Variants in CCND3 observed in about 807,000 individuals in gnomAD.
CCND3 encodes the protein cyclin D3.
CCND3 carries 9 observed loss-of-function variants against 28.7 expected under a neutral mutation model. The ratio of observed to expected loss-of-function variants is 0.31; its 90% confidence interval spans 0.19 to 0.55. The LOEUF (loss-of-function observed/expected upper bound fraction) is 0.55, where lower values mean the gene tolerates loss of function less well. CCND3 is among the 20% of genes least tolerant of loss of function. CCND3 has a pLI of 0.93. For synonymous variants in CCND3, 164 were observed against 163.9 expected, an observed-to-expected ratio of 1.00 and a Z score of 0.00; for missense variants, 315 against 385.8, an observed-to-expected ratio of 0.82 and a Z score of 1.54.
At chr6:42,038,236 G>T (rs1764283037) in intron 1 of CCND3, among the ~76,000 whole-genome samples, 1 of 151,758 alleles carries the variant, frequency 6.6e-6, no homozygotes, top group Admixed American at 6.6e-5. Context: ...TGTGCTGCTG[G>T]ATTTTTTTTA....
chr6:41,948,115 T>TA (rs1240852027), intron 1 of CCND3, among the ~76,000 whole-genome samples: 1 of 149,216 alleles, frequency 6.7e-6, no homozygotes, highest in Admixed American at 6.7e-5. Flanking sequence ...GCATTCCTCT[T>TA]ACAGCCTTTC....
chr6:41,947,971 C>G lies in CCND3; in HGVS notation c.-45-7386G>C, dbSNP rs141797580. Among the ~76,000 whole-genome samples the G allele has an allele frequency of 7.0e-3, 1,066 of 152,252 alleles. 8 individuals carry two copies. Among genetic ancestry groups the G allele is most frequent in the Non-Finnish European group, 0.011 (741 of 68,022 alleles). On this transcript the variant is annotated intron_variant, in intron 1 of 4. Transcript: ENST00000372988. ...TCCCACTACTCTCCCTCACTGTGCT[C>G]TGGCCACACGGTTCATGGAACACAC...
intron 1 of CCND3, among the ~76,000 whole-genome samples, chr6:41,961,128 G>A (rs1420731295): frequency 2.6e-5 from 4 of 152,194 alleles, no homozygotes; most frequent in Admixed American, 6.6e-5. Context: ...ATGAGATGTG[G>A]GGACATCGGA....
chr6:41,974,665 C>A (rs2127409317), intron 1 of CCND3, among the ~76,000 whole-genome samples: 1 of 152,252 alleles, frequency 6.6e-6, no homozygotes, highest in South Asian at 2.1e-4. Context: ...CAGCACCGTT[C>A]AGTTCCCATC....
chr6:42,041,393 C>A (rs952772503), intron 1 of CCND3, among the ~76,000 whole-genome samples: 4 of 152,196 alleles, frequency 2.6e-5, no homozygotes, highest in South Asian at 2.1e-4. Context: ...CAGGTACCAG[C>A]TGACTGGAAA....
chr6:42,004,784 T>G (rs954212037), intron 1 of CCND3, among the ~76,000 whole-genome samples: 1 of 152,074 alleles, frequency 6.6e-6, no homozygotes, highest in Non-Finnish European at 1.5e-5. Flanking sequence ...AACCAGTATA[T>G]CTTTTAAAGT....
chr6:41,983,098 C>T lies in CCND3; in HGVS notation c.-45-42513G>A, dbSNP rs1442960981. Among the ~76,000 whole-genome samples the T allele has an allele frequency of 2.0e-5, 3 of 152,216 alleles. No individual in the cohort carries two copies. The East Asian group carries it at 5.8e-4, about 29-fold the overall frequency. On this transcript the variant is annotated intron_variant, in intron 1 of 4. Transcript: ENST00000372988. ...TGACAAATAAAAAGGTATATGTTGG[C>T]CGGGTGCAGTGGCTTACCCCAGTAA...
At chr6:42,012,601 T>TATAA (rs900439537) in intron 1 of CCND3, among the ~76,000 whole-genome samples, 3 of 152,070 alleles carry the variant, frequency 2.0e-5, no homozygotes, top group African/African-American at 4.8e-5. Context: ...ACTCCTCTCA[T>TATAA]ATAAATAAAT....
At chr6:42,049,903 C>T (rs1390423772), upstream of CCND3, 1 of 152,240 alleles carries the variant, frequency 6.6e-6, no homozygotes, top group Non-Finnish European at 1.5e-5. Flanking sequence ...GGGCTGGGCC[C>T]AGCCAGGTGT....
intron 1 of CCND3, among the ~76,000 whole-genome samples, chr6:42,035,687 T>C (rs1764183745): frequency 6.7e-6 from 1 of 149,608 alleles, no homozygotes. Flanking sequence ...CTTTTCTTTT[T>C]TTTTTTTTGA....
At chr6:42,035,834 C>A (rs909734440) in intron 1 of CCND3, among the ~76,000 whole-genome samples, 3 of 151,772 alleles carry the variant, frequency 2.0e-5, no homozygotes, top group African/African-American at 7.3e-5. Flanking sequence ...CCCGCCACAA[C>A]GCCTGGCTAA....
rs1200700356 is a variant in CCND3, at chr6:41,940,533, T to C, written c.251A>G (p.Tyr84Cys). 1 of 1,613,346 alleles carries C rather than the reference T, an allele frequency of 6.2e-7. No homozygotes were observed. The highest frequency in any genetic ancestry group is 2.2e-5 in the East Asian group (1 of 44,836). The change falls in exon 2 of 5, where the codon TAC (tyrosine) becomes TGC (cysteine). Residue 84 changes from tyrosine (Y) to cysteine (C), a missense_variant. Coordinates refer to ENST00000372991, the MANE Select transcript of CCND3 (RefSeq NM_001760.5). ...EEEVFPLAMNYLDRYLSCVPT... is the reference protein window; with the variant it reads ...EEEVFPLAMNCLDRYLSCVPT... Reference sequence around the variant, plus strand: ...GACGCAAGACAGGTAGCGATCCAGGTAGTTCATGGCCAGGGGGAAGACTTC... The same window carrying C: ...GACGCAAGACAGGTAGCGATCCAGGCAGTTCATGGCCAGGGGGAAGACTTC...
chr6:42,020,390 G>T (rs1356949144), intron 1 of CCND3, among the ~76,000 whole-genome samples: 1 of 152,344 alleles, frequency 6.6e-6, no homozygotes, highest in East Asian at 1.9e-4. Context: ...CATGCAGAAG[G>T]TTCTTGGCTC....
Position 41,941,765 on chromosome 6 carries a change from C to A in CCND3, c.-116G>T. 1.7e-6 allele frequency: 1 copy of A among 573,534 alleles called. No individual in the cohort carries two copies. Among genetic ancestry groups the A allele is most frequent in the South Asian group, 1.0e-4 (1 of 9,910 alleles). 35.5% of individuals were successfully genotyped at this position (573,534 alleles called of 1,614,324 possible). ...CTGGCGCTGGCACTGCGCGGCGGAT[C>A]CCCAGCCCGCCCGCCGCCCGCGCGC... On this transcript the variant is annotated 5_prime_UTR_variant, in exon 1 of 5. Coordinates refer to ENST00000372991, the MANE Select transcript of CCND3 (RefSeq NM_001760.5). This position sits in a 1 kb window ranked among gnomAD's most constrained non-coding sequence, Gnocchi z 6.1.
intron 1 of CCND3, among the ~76,000 whole-genome samples, chr6:42,034,030 C>T (rs1389494880): frequency 1.3e-5 from 2 of 152,078 alleles, no homozygotes; most frequent in Non-Finnish European, 2.9e-5. Context: ...TGGTGGCATG[C>T]ACCGGTAGTC....
At chr6:42,016,388 C>A (rs1257444287) in intron 1 of CCND3, among the ~76,000 whole-genome samples, 2 of 152,024 alleles carry the variant, frequency 1.3e-5, no homozygotes, top group Non-Finnish European at 2.9e-5. Flanking sequence ...GAGATTCAGA[C>A]AGGGGTTTGA....
chr6:41,965,831 C>T (rs977259073), intron 1 of CCND3, among the ~76,000 whole-genome samples: 3 of 152,170 alleles, frequency 2.0e-5, no homozygotes, highest in African/African-American at 7.2e-5. Flanking sequence ...TTCACTAGCT[C>T]GGAGCCTTTG....
At chr6:41,947,514 G>A (rs1199368670) in intron 1 of CCND3, among the ~76,000 whole-genome samples, 1 of 152,144 alleles carries the variant, frequency 6.6e-6, no homozygotes, top group African/African-American at 2.4e-5. Context: ...CAAACACTTG[G>A]TGTCATTCCT....
chr6:42,034,833 G>A (rs527952191), intron 1 of CCND3, among the ~76,000 whole-genome samples: 72 of 152,078 alleles, frequency 4.7e-4, no homozygotes, highest in African/African-American at 1.7e-3. Flanking sequence ...TGCCCTAACT[G>A]AACTTAAGTT....
Sources: allele counts gnomAD v4.1 joint callset (sites outside exome capture counted in the v4.1 genomes callset), GRCh38; gene constraint gnomAD v4.1.1; non-coding constraint Gnocchi (gnomAD v3.1); transcripts MANE v1.5; gene names NCBI Gene and HGNC (gene_info 2026-07-23, HGNC 2026-07-21).